ZNF423: variants seen among roughly 807,000 people sequenced by gnomAD.
ZNF423 encodes the protein zinc finger protein 423.
ZNF423 carries 12 observed loss-of-function variants against 95.8 expected under a neutral mutation model. The ratio of observed to expected loss-of-function variants is 0.13; its 90% CI spans 0.08 to 0.20. The LOEUF is 0.20. ZNF423 is among the 10% of genes least tolerant of loss of function. The probability of loss-of-function intolerance (pLI) is 1.00; values close to 1 mark genes in which losing one functional copy is unlikely to be tolerated. For missense variants in ZNF423, 1,316 were observed against 1,737.1 expected (o/e 0.76, Z 4.31); for synonymous variants, 749 against 711.9 (o/e 1.05, Z -0.83).
At chr16:49,822,223 G>C (rs1427903467) in intron 1 of ZNF423, among the ~76,000 whole-genome samples, 1 of 151,100 alleles carries the variant, frequency 6.6e-6, no homozygotes, top group East Asian at 1.9e-4. Context: ...GCCCAGGCTG[G>C]AGTGCAGTGG....
At chr16:49,841,623 C>T (rs541906952) in intron 1 of ZNF423, among the ~76,000 whole-genome samples, 1 of 152,294 alleles carries the variant, frequency 6.6e-6, no homozygotes, top group South Asian at 2.1e-4. Context: ...ATTCCCCTAC[C>T]AAAGGGAATC....
At chr16:49,728,099 CA>C (rs1194778074) in intron 3 of ZNF423, among the ~76,000 whole-genome samples, 1 of 152,184 alleles carries the variant, frequency 6.6e-6, no homozygotes, top group Non-Finnish European at 1.5e-5. Flanking sequence ...TCCTACACCC[CA>C]AACACACCAC....
intron 7 of ZNF423, among the ~76,000 whole-genome samples, chr16:49,520,216 T>A (rs1359960071): frequency 6.6e-6 from 1 of 152,216 alleles, no homozygotes; most frequent in African/African-American, 2.4e-5. Context: ...GCCCTCCACA[T>A]ACTTGCTTCA....
Position 49,635,853 on chromosome 16 carries a change from G to A in ZNF423, c.3323C>T (p.Ala1108Val). The A allele has an allele frequency of 6.3e-7, 1 of 1,595,848 alleles. No homozygotes were observed. Among genetic ancestry groups the A allele is most frequent in the Non-Finnish European group, 8.5e-7 (1 of 1,172,896 alleles). ...GGCCAGGCCACCCACCTGTCCGTTG[G>A]CGCTGCGGGCCATGCAGCCGGCGCA... is the stretch of plus-strand genomic sequence containing the variant. Reference protein sequence around the residue: ...GLCAGCMARSANGQVGGLAPP... With the variant: ...GLCAGCMARSVNGQVGGLAPP... Residue 1108 changes from alanine to valine, a missense_variant, in exon 4 of 8, where the codon GCC becomes GTC. Around this residue, in one of 6 missense-constraint regions of ZNF423, gnomAD observed 620 missense variants for 775.6 expected, o/e 0.80. Coordinates refer to ENST00000563137, the MANE Select transcript of ZNF423 (RefSeq NM_001379286.1). The surrounding 1 kb of genome is among the most constrained non-coding windows in gnomAD (Gnocchi z 4.8).
chr16:49,626,075 C>T (rs777696826), intron 5 of ZNF423, 95 bp downstream of exon 5: 7 of 1,236,016 alleles, frequency 5.7e-6, no homozygotes, highest in Non-Finnish European at 8.3e-6. Context: ...TGACTCTGTC[C>T]TTTGGCCTAA....
intron 1 of ZNF423, among the ~76,000 whole-genome samples, chr16:49,816,931 C>T (rs2034865109): frequency 6.6e-6 from 1 of 152,164 alleles, no homozygotes; most frequent in Admixed American, 6.5e-5. Context: ...TCAGTATGCT[C>T]AAGGCACCAT....
chr16:49,623,018 T>A (rs1054980402), intron 5 of ZNF423, among the ~76,000 whole-genome samples: 1 of 151,876 alleles, frequency 6.6e-6, no homozygotes, highest in African/African-American at 2.4e-5. Flanking sequence ...GGTCCTCTGG[T>A]AGACTGGGTT....
At chr16:49,687,145 G>A (rs1258923093) in intron 3 of ZNF423, among the ~76,000 whole-genome samples, 3 of 151,962 alleles carry the variant, frequency 2.0e-5, no homozygotes, top group Non-Finnish European at 4.4e-5. Flanking sequence ...GTCCCCTATA[G>A]TTTATTAACA....
At chr16:49,750,878 T>C (rs888116059) in intron 2 of ZNF423, among the ~76,000 whole-genome samples, 10 of 152,094 alleles carry the variant, frequency 6.6e-5, no homozygotes, top group African/African-American at 2.4e-4. Context: ...CAGACGGTGA[T>C]GGTGACAGTG....
In ZNF423 at chr16:49,637,842, G is replaced by A; in HGVS notation, c.1334C>T (p.Pro445Leu). ...GATCTGACATGTGTGGCTCTGCTGG[G>A]GCTTGTCCGCGTGGATGGTCTTCAG... is the stretch of plus-strand genomic sequence containing the variant. ...IHLKTIHADK[P>L]QQSHTCQICL... is the part of the protein sequence containing the mutation. Residue 445 changes from proline (P) to leucine (L), a missense_variant, in exon 4 of 8, where the codon CCC (proline) becomes CTC (leucine). Coordinates refer to ENST00000563137, the MANE Select transcript of ZNF423 (RefSeq NM_001379286.1). The surrounding 1 kb of genome is among the most constrained non-coding windows in gnomAD (Gnocchi z 5.6). 5 of 1,614,198 alleles carry A rather than the reference G, an allele frequency of 3.1e-6. No individual in the cohort carries two copies. Among genetic ancestry groups the A allele is most frequent in the South Asian group, 1.1e-5 (1 of 91,072 alleles).
rs573379089 is a variant in ZNF423, at chr16:49,564,466, C to T, written c.3602-38972G>A. 2.2e-4 allele frequency among the ~76,000 whole-genome samples: 34 copies of T among 152,304 alleles called. No homozygotes were observed. In the South Asian group the frequency reaches 2.7e-3, roughly 12 times the overall value. ...CAGACTCAGGGGCCAGGACCCAATC[C>T]CTGCCAAGAGCCTTTCTCAACACAA... is the stretch of plus-strand genomic sequence containing the variant. On this transcript the variant is annotated intron_variant, in intron 5 of 7. Transcript: ENST00000563137.
At chr16:49,513,432 A>G (rs946799329) in intron 7 of ZNF423, among the ~76,000 whole-genome samples, 2 of 152,212 alleles carry the variant, frequency 1.3e-5, no homozygotes, top group African/African-American at 4.8e-5. Flanking sequence ...ATTATTAGTT[A>G]TAATTATCTG....
At chr16:49,514,187 C>A (rs1268240624) in intron 7 of ZNF423, among the ~76,000 whole-genome samples, 1 of 123,284 alleles carries the variant, frequency 8.1e-6, no homozygotes, top group Non-Finnish European at 1.6e-5. Context: ...GACCACCCAA[C>A]ACACACACAC....
At chr16:49,828,504 A>C (rs2035029112) in intron 1 of ZNF423, among the ~76,000 whole-genome samples, 1 of 152,242 alleles carries the variant, frequency 6.6e-6, no homozygotes, top group African/African-American at 2.4e-5. Flanking sequence ...CTGAAAAAGA[A>C]AAGGCAACAT....
At chr16:49,516,588 T>C (rs1018742063) in intron 7 of ZNF423, among the ~76,000 whole-genome samples, 11 of 152,218 alleles carry the variant, frequency 7.2e-5, no homozygotes, top group African/African-American at 2.7e-4. Flanking sequence ...GGCCGCTCCC[T>C]GCTTCACTCT....
At chr16:49,810,420 C>A (rs2034733192) in intron 1 of ZNF423, among the ~76,000 whole-genome samples, 1 of 152,182 alleles carries the variant, frequency 6.6e-6, no homozygotes, top group South Asian at 2.1e-4. Context: ...CAGACCTCTG[C>A]TATCCAAGAG....
At chr16:49,503,428 T>C (rs7201926) in intron 7 of ZNF423, among the ~76,000 whole-genome samples, 68,606 of 151,922 alleles carry the variant, frequency 0.45, 16,903 homozygotes, top group African/African-American at 0.67. Context: ...GTCTGGTTCT[T>C]GCTGGCCCAC....
At chr16:49,608,252 A>C (rs1200577410) in intron 5 of ZNF423, among the ~76,000 whole-genome samples, 1 of 152,188 alleles carries the variant, frequency 6.6e-6, no homozygotes, top group African/African-American at 2.4e-5. Context: ...CGTTAGTATC[A>C]ACGTTTACTG....
chr16:49,747,075 G>A (rs922162900), intron 2 of ZNF423, among the ~76,000 whole-genome samples: 2 of 152,128 alleles, frequency 1.3e-5, no homozygotes, highest in Admixed American at 1.3e-4. Flanking sequence ...CATGCCCTTC[G>A]ACTCAGTCAC....
Sources: gnomAD v4.1 joint callset for allele counts (sites outside exome capture counted in the v4.1 genomes callset) on GRCh38, gnomAD v4.1.1 for gene constraint, gnomAD v4.1.1 regional missense constraint, Gnocchi (gnomAD v3.1) non-coding constraint, MANE v1.5 for transcripts, NCBI Gene and HGNC (gene_info 2026-07-23, HGNC 2026-07-21) for gene names.